The following MDM1 variants were observed in gnomAD, a reference collection of about 807,000 sequenced individuals.
The protein encoded by MDM1 is Mdm1 nuclear protein.
A neutral mutation model predicts 89.1 loss-of-function variants in MDM1; 61 were observed. The observed-to-expected ratio is 0.68, with a 90% CI of 0.56 to 0.85. MDM1 has a LOEUF of 0.85. Among genes scored for constraint, MDM1 ranks in the 40% least tolerant of loss-of-function variants. The probability of loss-of-function intolerance (pLI) is 0.00; values close to 1 mark genes in which losing one functional copy is unlikely to be tolerated. For synonymous variants in MDM1, 290 were observed against 294.1 expected (o/e 0.99, Z 0.14); for missense variants, 820 against 846.5 (o/e 0.97, Z 0.39).
chr12:68,304,670 G>A (rs1485443039), intron 12 of MDM1, among the ~76,000 whole-genome samples: 1 of 152,048 alleles, frequency 6.6e-6, no homozygotes, highest in African/African-American at 2.4e-5. Flanking sequence ...ACACCGGAAA[G>A]AAACCTGTAA....
At position 68,332,345 on chromosome 12, in the gene MDM1, C is replaced by G. The variant is rs1876985484; in HGVS notation, c.-100G>C. On this transcript the variant is annotated 5_prime_UTR_variant, in exon 1 of 15. Coordinates refer to ENST00000682720, the MANE Select transcript of MDM1 (RefSeq NM_001354969.2). ...AGTGTTCCCTAGCAAAGCCTCGGCCCGGCGTCCCCGACTACGCGCCGGCGC... is the reference window on the plus strand; with the variant it reads ...AGTGTTCCCTAGCAAAGCCTCGGCCGGGCGTCCCCGACTACGCGCCGGCGC... 5.0e-6 allele frequency: 7 copies of G among 1,396,512 alleles called. No individual in the cohort carries two copies. Among genetic ancestry groups the G allele is most frequent in the African/African-American group, 1.5e-5 (1 of 68,788 alleles). 86.5% of individuals were successfully genotyped at this position (1,396,512 alleles called of 1,614,324 possible). A position where few individuals can be genotyped will look rare whatever the true frequency, so the allele number is the denominator to read the frequency against.
intron 12 of MDM1, among the ~76,000 whole-genome samples, chr12:68,303,924 A>C (rs1872549240): frequency 6.6e-6 from 1 of 152,212 alleles, no homozygotes; most frequent in African/African-American, 2.4e-5. Flanking sequence ...CTAGAAGTCA[A>C]GAACAATTTT....
intron 12 of MDM1, among the ~76,000 whole-genome samples, chr12:68,311,492 T>C (rs1292487676): frequency 6.6e-6 from 1 of 152,196 alleles, no homozygotes; most frequent in Non-Finnish European, 1.5e-5. Context: ...CACATCTTCC[T>C]ACATTCATCA....
rs748277745 is a variant in MDM1, at chr12:68,296,985, TA to T, written c.2003-4del. 0.065 allele frequency: 65,787 copies of T among 1,015,182 alleles called. No individual in the cohort carries two copies. Among genetic ancestry groups the T allele is most frequent in the South Asian group, 0.11 (6,074 of 54,290 alleles). The allele number at this position is 1,015,182 out of a possible 1,614,324, so 62.9% of individuals were successfully genotyped here. On this transcript the variant is annotated splice_region_variant and splice_polypyrimidine_tract_variant and intron_variant, in intron 13 of 14. Coordinates refer to ENST00000682720, the MANE Select transcript of MDM1 (RefSeq NM_001354969.2). The stretch of plus-strand genomic sequence containing the variant: ...ATTGTTCATCCTTGCTTTTCCCACT[TA>T]AAAAAAAAAAGGCAGAATAAATTAT...
chr12:68,310,649 TTC>T (rs1338393216), intron 12 of MDM1, among the ~76,000 whole-genome samples: 6 of 152,206 alleles, frequency 3.9e-5, no homozygotes, highest in African/African-American at 1.4e-4. Flanking sequence ...AGTTTTGATA[TTC>T]TGTCACTCCA....
intron 3 of MDM1, 164 bp from the exon 4 acceptor site, chr12:68,325,739 T>C: frequency 7.9e-7 from 1 of 1,270,986 alleles, no homozygotes; most frequent in Non-Finnish European, 9.9e-7. Flanking sequence ...CAGCAAACTT[T>C]CTTCAACTTA....
At chr12:68,316,715 A>G (rs777225433) in intron 7 of MDM1, 105 bp from the exon 8 acceptor site, 3 of 891,342 alleles carry the variant, frequency 3.4e-6, no homozygotes, top group Non-Finnish European at 3.4e-6. Flanking sequence ...ATATCTACCA[A>G]ACTTGTCAAT....
At chr12:68,309,101 C>A (rs546026590) in intron 12 of MDM1, among the ~76,000 whole-genome samples, 3 of 152,358 alleles carry the variant, frequency 2.0e-5, no homozygotes, top group African/African-American at 7.2e-5. Flanking sequence ...AATTCCCATA[C>A]TGAAAATATT....
At chr12:68,314,885 G>A in intron 10 of MDM1, 63 bp downstream of exon 10, 1 of 1,359,890 alleles carries the variant, frequency 7.4e-7, no homozygotes, top group South Asian at 1.3e-5. Flanking sequence ...TATATTTAGT[G>A]ACAAAATACA....
chr12:68,305,395 C>G (rs1872738203), intron 12 of MDM1, among the ~76,000 whole-genome samples: 1 of 151,976 alleles, frequency 6.6e-6, no homozygotes, highest in Non-Finnish European at 1.5e-5. Flanking sequence ...CAACATAGTA[C>G]TGAAGTCCTA....
chr12:68,308,697 A>G (rs1873261207), intron 12 of MDM1, among the ~76,000 whole-genome samples: 1 of 152,234 alleles, frequency 6.6e-6, no homozygotes, highest in East Asian at 1.9e-4. Flanking sequence ...CTGATTATCA[A>G]TAAATCCTCA....
In MDM1 at chr12:68,332,263, C is replaced by G; in HGVS notation, c.-18G>C. 1.9e-6 allele frequency: 3 copies of G among 1,581,518 alleles called. No individual in the cohort carries two copies. The highest frequency in any genetic ancestry group is 2.6e-6 in the Non-Finnish European group (3 of 1,164,700). ...ACCGGCATGTCGCCCGGCGCCGGAG[C>G]CCCCGCTACTCCGACAGTTAACTGG... On this transcript the variant is annotated 5_prime_UTR_variant, in exon 1 of 15. Coordinates refer to ENST00000682720, the MANE Select transcript of MDM1 (RefSeq NM_001354969.2).
intron 1 of MDM1, 128 bp downstream of exon 1, chr12:68,332,100 C>A: frequency 7.5e-7 from 1 of 1,331,080 alleles, no homozygotes; most frequent in Non-Finnish European, 1.1e-6. Flanking sequence ...CTCGAGCAGG[C>A]CCTGGGGCTG....
chr12:68,295,442 G>C (rs1011056052), intron 14 of MDM1, 76 bp from the exon 15 acceptor site: 33 of 941,896 alleles, frequency 3.5e-5, no homozygotes, highest in African/African-American at 6.8e-5. Context: ...TTATATAACA[G>C]AAAATTAAAA....
intron 7 of MDM1, among the ~76,000 whole-genome samples, chr12:68,317,759 T>C (rs1013542914): frequency 1.3e-5 from 2 of 152,218 alleles, no homozygotes; most frequent in African/African-American, 4.8e-5. Context: ...ATGAATTAAC[T>C]CTACTGAACT....
chr12:68,307,119 A>T (rs1873003481), intron 12 of MDM1, among the ~76,000 whole-genome samples: 1 of 152,212 alleles, frequency 6.6e-6, no homozygotes, highest in Non-Finnish European at 1.5e-5. Flanking sequence ...GCATATTCTC[A>T]TTTATAAGTG....
chr12:68,318,941 G>A (rs1368570439), intron 7 of MDM1, among the ~76,000 whole-genome samples: 1 of 152,096 alleles, frequency 6.6e-6, no homozygotes. Context: ...CCCAAAATGA[G>A]GGGTCACTTT....
chr12:68,301,296 A>C (rs1872122403), intron 13 of MDM1, among the ~76,000 whole-genome samples: 1 of 152,240 alleles, frequency 6.6e-6, no homozygotes, highest in Non-Finnish European at 1.5e-5. Context: ...GGAATGAAAT[A>C]ATGTCTTTTG....
chr12:68,301,930 G>A (rs1274947854), intron 13 of MDM1, among the ~76,000 whole-genome samples: 1 of 152,016 alleles, frequency 6.6e-6, no homozygotes, highest in Non-Finnish European at 1.5e-5. Flanking sequence ...TGCCTGCCTT[G>A]GCCTCCCAAA....
Sources: allele counts gnomAD v4.1 joint callset (sites outside exome capture counted in the v4.1 genomes callset), GRCh38; gene constraint gnomAD v4.1.1; transcripts MANE v1.5; gene names NCBI Gene and HGNC (gene_info 2026-07-23, HGNC 2026-07-21).